The following SLC9A9 variants were observed in gnomAD, a reference collection of about 807,000 sequenced individuals.
The protein encoded by SLC9A9 is sodium/hydrogen exchanger 9.
In SLC9A9, 62 loss-of-function variants were observed where a neutral mutation model predicts 77.8. The ratio of observed to expected loss-of-function variants is 0.80; its 90% CI spans 0.65 to 0.98. The LOEUF (loss-of-function observed/expected upper bound fraction) is 0.98. Among genes scored for constraint, SLC9A9 ranks in the 50% least tolerant of loss-of-function variants. The probability of loss-of-function intolerance (pLI) is 0.00; values close to 1 mark genes in which losing one functional copy is unlikely to be tolerated. For synonymous variants in SLC9A9, 320 were observed against 283.5 expected, an observed-to-expected ratio of 1.13 and a Z score of -1.29; for missense variants, 775 against 774.9, an observed-to-expected ratio of 1.00 and a Z score of 0.00.
intron 9 of SLC9A9, among the ~76,000 whole-genome samples, chr3:143,509,342 A>G (rs2036077170): frequency 6.6e-6 from 1 of 152,182 alleles, no homozygotes; most frequent in African/African-American, 2.4e-5. Context: ...TTCCTTTGTA[A>G]TGGATAGTTA....
intron 6 of SLC9A9, among the ~76,000 whole-genome samples, chr3:143,618,188 T>G (rs2038139727): frequency 6.6e-6 from 1 of 152,194 alleles, no homozygotes; most frequent in African/African-American, 2.4e-5. Flanking sequence ...CTGAGCCCTC[T>G]TAGGGAATTC....
At chr3:143,704,181 G>A (rs1576670555) in intron 4 of SLC9A9, among the ~76,000 whole-genome samples, 2 of 152,056 alleles carry the variant, frequency 1.3e-5, no homozygotes, top group African/African-American at 4.8e-5. Context: ...AAACTATTCT[G>A]AAAAATAGAG....
intron 12 of SLC9A9, among the ~76,000 whole-genome samples, chr3:143,382,937 A>C (rs539916135): frequency 6.6e-6 from 1 of 152,280 alleles, no homozygotes; most frequent in South Asian, 2.1e-4. Flanking sequence ...GAAGGCATTA[A>C]AGCACTCTTT....
intron 6 of SLC9A9, among the ~76,000 whole-genome samples, chr3:143,647,264 A>T (rs1391418251): frequency 6.6e-6 from 1 of 152,206 alleles, no homozygotes; most frequent in East Asian, 1.9e-4. Flanking sequence ...GATGAGATTA[A>T]CAATTTATCA....
At chr3:143,547,861 T>G (rs1429255063) in intron 9 of SLC9A9, among the ~76,000 whole-genome samples, 1 of 152,258 alleles carries the variant, frequency 6.6e-6, no homozygotes, top group Non-Finnish European at 1.5e-5. Flanking sequence ...CTATATACTT[T>G]GCTTATTTAT....
chr3:143,344,984 TC>T (rs1426063334), intron 14 of SLC9A9, among the ~76,000 whole-genome samples: 13 of 152,286 alleles, frequency 8.5e-5, no homozygotes, highest in Admixed American at 7.8e-4. Flanking sequence ...AAAGATGATT[TC>T]CATAATAACT....
At chr3:143,435,308 C>A (rs2108539844) in intron 12 of SLC9A9, among the ~76,000 whole-genome samples, 1 of 152,210 alleles carries the variant, frequency 6.6e-6, no homozygotes, top group Non-Finnish European at 1.5e-5. Context: ...TCACCTGATT[C>A]TCTGAGTTGG....
intron 4 of SLC9A9, among the ~76,000 whole-genome samples, chr3:143,784,339 A>T (rs1387935038): frequency 1.3e-5 from 2 of 152,104 alleles, no homozygotes; most frequent in Non-Finnish European, 1.5e-5. Flanking sequence ...TAAATATACC[A>T]CTTAAGTCAA....
intron 11 of SLC9A9, among the ~76,000 whole-genome samples, chr3:143,477,308 A>G (rs1254172627): frequency 6.6e-6 from 1 of 150,528 alleles, no homozygotes; most frequent in Non-Finnish European, 1.5e-5. Context: ...GCTATATCAA[A>G]ATCACCTGAA....
chr3:143,349,886 G>A (rs142938427), intron 14 of SLC9A9, among the ~76,000 whole-genome samples: 4,393 of 152,276 alleles, frequency 0.029, 82 homozygotes, highest in South Asian at 0.073. Context: ...ATCCCCCTAT[G>A]AGAGAGCCAC....
At chr3:143,374,021 A>G (rs1299734734) in intron 13 of SLC9A9, among the ~76,000 whole-genome samples, 1 of 152,218 alleles carries the variant, frequency 6.6e-6, no homozygotes, top group African/African-American at 2.4e-5. Context: ...TAAGAATCAA[A>G]CTTCTAAAAA....
intron 14 of SLC9A9, among the ~76,000 whole-genome samples, chr3:143,280,994 A>G (rs1467652477): frequency 6.6e-6 from 1 of 152,214 alleles, no homozygotes; most frequent in Non-Finnish European, 1.5e-5. Flanking sequence ...TATACTGGAC[A>G]TTGCTAGCTA....
intron 9 of SLC9A9, among the ~76,000 whole-genome samples, chr3:143,511,806 T>C (rs2036119578): frequency 1.3e-5 from 2 of 152,210 alleles, no homozygotes; most frequent in Admixed American, 1.3e-4. Flanking sequence ...TTCAGACACT[T>C]TGGTCTTTTA....
At chr3:143,800,102 C>T (rs2008510136) in intron 2 of SLC9A9, among the ~76,000 whole-genome samples, 1 of 152,260 alleles carries the variant, frequency 6.6e-6, no homozygotes, top group East Asian at 1.9e-4. Context: ...GGGCTACAGC[C>T]ATACCTCATT....
intron 14 of SLC9A9, among the ~76,000 whole-genome samples, chr3:143,295,877 TAAC>T (rs1425595451): frequency 2.0e-5 from 3 of 152,068 alleles, no homozygotes; most frequent in Non-Finnish European, 4.4e-5. Flanking sequence ...GCTCTCCCCT[TAAC>T]AGCCTTTCAC....
chr3:143,384,181 A>G (rs1576461697), intron 12 of SLC9A9, among the ~76,000 whole-genome samples: 1 of 114,594 alleles, frequency 8.7e-6, no homozygotes, highest in Admixed American at 1.0e-4. Context: ...GAGAAAGGAG[A>G]GGGGAAGGGA....
At chr3:143,743,818 G>A (rs1175181112) in intron 4 of SLC9A9, among the ~76,000 whole-genome samples, 3 of 152,210 alleles carry the variant, frequency 2.0e-5, no homozygotes, top group African/African-American at 7.2e-5. Flanking sequence ...TGTGCTAGTT[G>A]TGCACTAGTT....
At chr3:143,653,616 A>T (rs60882137) in intron 5 of SLC9A9, among the ~76,000 whole-genome samples, 3,745 of 152,216 alleles carry the variant, frequency 0.025, 163 homozygotes, top group African/African-American at 0.087. Context: ...TTCTTTCATA[A>T]TAGAGAGTCA....
chr3:143,695,792 C>A (rs1384772100), intron 4 of SLC9A9, among the ~76,000 whole-genome samples: 1 of 151,938 alleles, frequency 6.6e-6, no homozygotes, highest in Non-Finnish European at 1.5e-5. Context: ...ATTTACACTC[C>A]CATTAACAGT....
Sources: gnomAD v4.1 joint callset for allele counts (sites outside exome capture counted in the v4.1 genomes callset) on GRCh38, gnomAD v4.1.1 for gene constraint, MANE v1.5 for transcripts, NCBI Gene and HGNC (gene_info 2026-07-23, HGNC 2026-07-21) for gene names.